The following ANTXR2 variants were observed in gnomAD, a reference collection of about 807,000 sequenced individuals.
The protein encoded by ANTXR2 is ANTXR cell adhesion molecule 2, also known as anthrax toxin receptor 2.
In ANTXR2, 44 loss-of-function variants were observed where a neutral mutation model predicts 73.7. The observed-to-expected ratio is 0.60, with a 90% CI of 0.47 to 0.77. The LOEUF (loss-of-function observed/expected upper bound fraction) is 0.77. Among genes scored for constraint, ANTXR2 ranks in the 30% least tolerant of loss-of-function variants. The probability of loss-of-function intolerance (pLI) is 0.00; values close to 1 mark genes in which losing one functional copy is unlikely to be tolerated. For synonymous variants in ANTXR2, 217 were observed against 205.9 expected, an observed-to-expected ratio of 1.05 and a Z score of -0.46; for missense variants, 604 against 592.5, an observed-to-expected ratio of 1.02 and a Z score of -0.20.
In ANTXR2 at chr4:79,929,095, G is replaced by A. The variant is rs190008332; in HGVS notation, c.1429-21628C>T. Among the ~76,000 whole-genome samples the A allele has an allele frequency of 1.3e-4, 20 of 152,196 alleles. No homozygotes were observed. In the East Asian group the frequency reaches 1.7e-3, roughly 13 times the overall value. ...TCTCACCAGCCCTCTTCTCTCAGTC[G>A]TTTAAGTTGGCCATAATACGGGTCT... is the stretch of plus-strand genomic sequence containing the variant. On this transcript the variant is annotated intron_variant, in intron 16 of 16. Transcript: ENST00000403729.
intron 13 of ANTXR2, 41 bp downstream of exon 13, chr4:79,984,778 A>C (rs1260023555): frequency 6.4e-7 from 1 of 1,560,362 alleles, no homozygotes; most frequent in Admixed American, 1.8e-5. Context: ...TGCATTTGGA[A>C]AAAAAAAACA....
intron 12 of ANTXR2, among the ~76,000 whole-genome samples, chr4:79,991,779 A>T (rs1057430071): frequency 2.0e-5 from 3 of 152,172 alleles, no homozygotes; most frequent in African/African-American, 7.2e-5. Flanking sequence ...CTATTTAAAA[A>T]AAATGAAATC....
chr4:80,052,051 G>GA (rs571250178), intron 7 of ANTXR2, among the ~76,000 whole-genome samples: 50 of 151,112 alleles, frequency 3.3e-4, no homozygotes, highest in African/African-American at 1.1e-3. Context: ...CAATGAGCAG[G>GA]AAAAAAAATT....
intron 9 of ANTXR2, 122 bp downstream of exon 9, chr4:80,033,350 C>A: frequency 1.5e-6 from 1 of 658,120 alleles, no homozygotes; most frequent in South Asian, 2.2e-5. Context: ...ATTCAGACTT[C>A]ATTTCTTTCT....
intron 1 of ANTXR2, among the ~76,000 whole-genome samples, chr4:80,071,891 T>G (rs572522648): frequency 5.0e-4 from 75 of 151,096 alleles, no homozygotes; most frequent in Admixed American, 2.4e-3. Context: ...TTTTCTGGGG[T>G]GGGTAAATAC....
At chr4:80,050,611 G>A (rs897593504) in intron 7 of ANTXR2, among the ~76,000 whole-genome samples, 2 of 151,592 alleles carry the variant, frequency 1.3e-5, no homozygotes, top group African/African-American at 4.8e-5. Context: ...CCATTTGACT[G>A]AGGGTTTTAA....
rs1474331161 is a variant in ANTXR2, at chr4:79,915,856, C to CTATATATA, written c.1429-8390_1429-8389insTATATATA. On this transcript the variant is annotated intron_variant, in intron 16 of 16. Coordinates refer to ENST00000403729, the MANE Select transcript of ANTXR2 (RefSeq NM_058172.6). ...TCTCTCTCTCTCTCTCTCTCTCTCT[C>CTATATATA]TCTCTCTATATATATATATATACAT... Among the ~76,000 whole-genome samples the CTATATATA allele has an allele frequency of 5.0e-3, 563 of 112,178 alleles. 2 individuals carry two copies. The highest frequency in any genetic ancestry group is 7.3e-3 in the Admixed American group (77 of 10,560). The allele number at this position is 112,178 out of a possible 152,430, so 73.6% of individuals were successfully genotyped here. A position where few individuals can be genotyped will look rare whatever the true frequency, so the allele number is the denominator to read the frequency against.
chr4:79,997,040 A>T (rs1015621088), intron 12 of ANTXR2, among the ~76,000 whole-genome samples: 8 of 151,454 alleles, frequency 5.3e-5, no homozygotes, highest in Non-Finnish European at 7.4e-5. Flanking sequence ...TGAAGATTTC[A>T]GTTTGGAAGA....
chr4:79,977,556 T>C (rs1729689946), intron 16 of ANTXR2, 65 bp downstream of exon 16: 11 of 1,531,740 alleles, frequency 7.2e-6, no homozygotes, highest in Non-Finnish European at 7.9e-6. Context: ...TTATTACTAT[T>C]TCCCTGCCTC....
intron 12 of ANTXR2, among the ~76,000 whole-genome samples, chr4:79,992,122 GA>G (rs1396260790): frequency 6.6e-6 from 1 of 151,718 alleles, no homozygotes; most frequent in Non-Finnish European, 1.5e-5. Context: ...AAAATTGAAA[GA>G]AAAAAATTGA....
Position 79,984,805 on chromosome 4 carries a change from A to C in ANTXR2, c.1086+14T>G. 1 of 1,602,450 alleles carries C rather than the reference A, an allele frequency of 6.2e-7. No individual in the cohort carries two copies. The highest frequency in any genetic ancestry group is 8.5e-7 in the Non-Finnish European group (1 of 1,172,356). On this transcript the variant is annotated intron_variant, in intron 13 of 16. Transcript: ENST00000403729. Reference sequence around the variant, plus strand: ...AAAAAAACAGCCATATCAGTTTTTTAGGCACTCACTTACCTCTTTTGGTGC... The same window carrying C: ...AAAAAAACAGCCATATCAGTTTTTTCGGCACTCACTTACCTCTTTTGGTGC...
chr4:79,927,072 T>G (rs1727843149), intron 16 of ANTXR2, among the ~76,000 whole-genome samples: 1 of 150,478 alleles, frequency 6.6e-6, no homozygotes, highest in Admixed American at 6.7e-5. Flanking sequence ...TATATATATA[T>G]ATATATGAAT....
At chr4:79,948,902 T>C (rs1369793475) in intron 16 of ANTXR2, among the ~76,000 whole-genome samples, 2 of 152,174 alleles carry the variant, frequency 1.3e-5, no homozygotes, top group Admixed American at 6.5e-5. Context: ...CTGTACATGA[T>C]TTAAACACTT....
Position 79,978,907 on chromosome 4 carries a change from T to C in ANTXR2, c.1180-733A>G, listed in dbSNP as rs771149525. On this transcript the variant is annotated intron_variant, in intron 14 of 16. Transcript: ENST00000403729. ...AAAGTAAAATAATTATATATGAGTT[T>C]TCTTTACTTTTATAGTTCTAAGTAA... Among the ~76,000 whole-genome samples, 3 of 152,360 alleles carry C rather than the reference T, an allele frequency of 2.0e-5. No individual in the cohort carries two copies. In the South Asian group the frequency reaches 6.2e-4, roughly 32 times the overall value.
At position 80,011,278 on chromosome 4, in the gene ANTXR2, T is replaced by TG. The variant is rs1334265758; in HGVS notation, c.946-2663_946-2662insC. Among the ~76,000 whole-genome samples the TG allele has an allele frequency of 4.9e-5, 3 of 60,722 alleles. No individual in the cohort carries two copies. The Admixed American group carries it at 7.5e-4, about 15-fold the overall frequency. The allele number at this position is 60,722 out of a possible 152,430, so 39.8% of individuals were successfully genotyped here. ...AAATGCAACCTGGTCTTGCTATCTA[T>TG]CTATCTATCTATCTATCTATCTATC... On this transcript the variant is annotated intron_variant, in intron 11 of 16. Coordinates refer to ENST00000403729, the MANE Select transcript of ANTXR2 (RefSeq NM_058172.6).
chr4:79,931,126 T>G (rs1035157569), intron 16 of ANTXR2, among the ~76,000 whole-genome samples: 2 of 152,156 alleles, frequency 1.3e-5, no homozygotes, highest in African/African-American at 4.8e-5. Flanking sequence ...AAACCAAACC[T>G]CACATTATGT....
intron 14 of ANTXR2, 107 bp downstream of exon 14, chr4:79,983,771 T>C: frequency 4.6e-6 from 4 of 876,322 alleles, no homozygotes; most frequent in Non-Finnish European, 7.4e-6. Context: ...TAAGCACAAA[T>C]GGATGATATT....
chr4:79,964,675 T>G (rs1729282844), intron 16 of ANTXR2: 1 of 152,288 alleles, frequency 6.6e-6, no homozygotes, highest in Non-Finnish European at 1.5e-5. Flanking sequence ...CTTTGGTGTT[T>G]CAGGCCTCCA....
intron 16 of ANTXR2, among the ~76,000 whole-genome samples, chr4:79,954,209 C>A (rs1247705440): frequency 6.6e-6 from 1 of 152,062 alleles, no homozygotes; most frequent in African/African-American, 2.4e-5. Flanking sequence ...CTCTGTTGCC[C>A]AGGCTGAAGT....
Sources: gnomAD v4.1 joint callset for allele counts (sites outside exome capture counted in the v4.1 genomes callset) on GRCh38, gnomAD v4.1.1 for gene constraint, MANE v1.5 for transcripts, NCBI Gene and HGNC (gene_info 2026-07-23, HGNC 2026-07-21) for gene names.